Variants in EYS observed in about 807,000 individuals in gnomAD.
EYS encodes EGF-like photoreceptor maintenance factor, also known as protein eyes shut homolog.
EYS carries 250 observed loss-of-function variants against 282.1 expected under a neutral mutation model. The ratio of observed to expected loss-of-function variants is 0.89; its 90% CI spans 0.80 to 0.98. EYS has a LOEUF of 0.98. EYS is among the 50% of genes least tolerant of loss of function. The pLI is 0.00. For synonymous variants in EYS, 1,355 were observed against 1,282.9 expected (o/e 1.06, Z -1.20); for missense variants, 4,016 against 3,709.0 (o/e 1.08, Z -2.15).
At chr6:64,485,518 T>C (rs1359222633) in intron 26 of EYS, among the ~76,000 whole-genome samples, 1 of 151,564 alleles carries the variant, frequency 6.6e-6, no homozygotes, top group Non-Finnish European at 1.5e-5. Flanking sequence ...CAAACCAAGG[T>C]GGTGAAAAAA....
intron 22 of EYS, among the ~76,000 whole-genome samples, chr6:64,679,007 T>C (rs947033827): frequency 1.2e-4 from 19 of 152,214 alleles, no homozygotes; most frequent in African/African-American, 4.6e-4. Flanking sequence ...ACACTTTGAT[T>C]TTTTAAAATG....
chr6:63,925,932 C>T (rs1439151835), intron 35 of EYS, among the ~76,000 whole-genome samples: 1 of 152,226 alleles, frequency 6.6e-6, no homozygotes, highest in East Asian at 1.9e-4. Context: ...ACATGAGCCA[C>T]CACGCCTGGC....
chr6:63,757,699 C>T (rs1769525111), intron 41 of EYS, among the ~76,000 whole-genome samples: 1 of 152,082 alleles, frequency 6.6e-6, no homozygotes, highest in African/African-American at 2.4e-5. Context: ...CTCTTTATTT[C>T]TCAGAACAAC....
chr6:65,123,552 A>G (rs1775626898), intron 12 of EYS, among the ~76,000 whole-genome samples: 1 of 152,180 alleles, frequency 6.6e-6, no homozygotes, highest in Non-Finnish European at 1.5e-5. Context: ...ATAGGAATTC[A>G]CTGCTCAAAC....
intron 41 of EYS, among the ~76,000 whole-genome samples, chr6:63,745,872 A>T (rs186590545): frequency 2.6e-5 from 4 of 152,316 alleles, no homozygotes; most frequent in Non-Finnish European, 1.5e-5. Flanking sequence ...GTTGTAATCC[A>T]GTAGAATTAG....
intron 2 of EYS, among the ~76,000 whole-genome samples, chr6:65,503,272 TTG>T (rs1257743704): frequency 1.1e-4 from 16 of 151,732 alleles, no homozygotes; most frequent in Non-Finnish European, 2.4e-4. Context: ...ATTTTGGGGG[TTG>T]AATTGTCTAT....
intron 29 of EYS, among the ~76,000 whole-genome samples, chr6:64,379,385 T>C (rs748333856): frequency 3.3e-5 from 5 of 152,214 alleles, no homozygotes; most frequent in Admixed American, 6.5e-5. Context: ...ACCAGATTAC[T>C]TCTTGTTTTA....
chr6:63,916,982 T>C (rs1368113837), intron 35 of EYS, among the ~76,000 whole-genome samples: 1 of 152,242 alleles, frequency 6.6e-6, no homozygotes, highest in East Asian at 1.9e-4. Context: ...AGGGACAATT[T>C]AGAAGCTGAC....
At chr6:65,601,715 C>A (rs554311844) in intron 2 of EYS, among the ~76,000 whole-genome samples, 3 of 151,854 alleles carry the variant, frequency 2.0e-5, no homozygotes, top group Non-Finnish European at 2.9e-5. Flanking sequence ...AGTAAAACTG[C>A]AGCTGTTTCA....
intron 15 of EYS, among the ~76,000 whole-genome samples, chr6:64,921,528 A>G (rs1768346439): frequency 6.6e-6 from 1 of 152,188 alleles, no homozygotes; most frequent in Admixed American, 6.5e-5. Flanking sequence ...TGGAAAGTTT[A>G]TTATCTATGA....
rs142813157 is a variant in EYS at position 64,997,955 on chromosome 6, T to C, written c.2138-252A>G. Among the ~76,000 whole-genome samples, 174 of 152,274 alleles carry C rather than the reference T, an allele frequency of 1.1e-3. 1 individual carries two copies. Among genetic ancestry groups the C allele is most frequent in the African/African-American group, 4.1e-3 (170 of 41,576 alleles). ...AACAATTACTATGGACATTTGGTAA[T>C]AGTTTGCAAAGCAACAATGAAAATA... On this transcript the variant is annotated intron_variant, in intron 13 of 42. Transcript: ENST00000503581.
chr6:65,346,746 GA>G (rs1228812758), intron 9 of EYS, among the ~76,000 whole-genome samples: 1 of 151,716 alleles, frequency 6.6e-6, no homozygotes. Context: ...TTTAACAAGA[GA>G]CAACAAGAAC....
chr6:65,334,899 C>T lies in EYS; in HGVS notation c.1766+81G>A, dbSNP rs553526095. ...ATTTTAATCAACAAAAACATTGTTA[C>T]CATGAAACAGTTCGATGACTATCAA... On this transcript the variant is annotated intron_variant, in intron 11 of 42. Transcript: ENST00000503581. 47 of 1,325,526 alleles carry T rather than the reference C, an allele frequency of 3.5e-5. No homozygotes were observed. The East Asian group carries it at 9.9e-4, about 28-fold the overall frequency. 82.1% of individuals were successfully genotyped at this position (1,325,526 alleles called of 1,614,324 possible).
intron 19 of EYS, among the ~76,000 whole-genome samples, chr6:64,843,550 C>A (rs1765629596): frequency 1.3e-5 from 2 of 152,184 alleles, no homozygotes; most frequent in African/African-American, 4.8e-5. Flanking sequence ...GGATTTTGGA[C>A]ATGCATGGTC....
chr6:64,409,199 A>G (rs1370298854), intron 28 of EYS, among the ~76,000 whole-genome samples: 1 of 152,148 alleles, frequency 6.6e-6, no homozygotes, highest in East Asian at 1.9e-4. Flanking sequence ...TCCACTATTA[A>G]TGGGCATCTA....
chr6:64,055,976 T>C (rs1770969900), intron 33 of EYS, among the ~76,000 whole-genome samples: 1 of 152,086 alleles, frequency 6.6e-6, no homozygotes, highest in Non-Finnish European at 1.5e-5. Flanking sequence ...AATACTGTGG[T>C]ATGCTGCCCA....
In EYS at chr6:64,994,134, A is replaced by G. The variant is rs992521956; in HGVS notation, c.2259+3448T>C. Reference sequence around the variant, plus strand: ...TCTCAAATATACATAACAAAGTTACACTAGGGAATAGATCTTACTATACAC... The same window carrying G: ...TCTCAAATATACATAACAAAGTTACGCTAGGGAATAGATCTTACTATACAC... On this transcript the variant is annotated intron_variant, in intron 14 of 42. Coordinates refer to ENST00000503581, the MANE Select transcript of EYS (RefSeq NM_001142800.2). Among the ~76,000 whole-genome samples the G allele has an allele frequency of 5.0e-4, 76 of 152,186 alleles. 1 individual carries two copies. The highest frequency in any genetic ancestry group is 1.7e-3 in the African/African-American group (70 of 41,540).
At chr6:64,938,176 A>G (rs1261338190) in intron 15 of EYS, among the ~76,000 whole-genome samples, 5 of 151,606 alleles carry the variant, frequency 3.3e-5, no homozygotes, top group Non-Finnish European at 7.4e-5. Flanking sequence ...TTGGAATAAT[A>G]AAAGTATTCT....
At chr6:64,926,336 C>G (rs1394906351) in intron 15 of EYS, among the ~76,000 whole-genome samples, 1 of 152,204 alleles carries the variant, frequency 6.6e-6, no homozygotes, top group Non-Finnish European at 1.5e-5. Context: ...CTTGTGCTGG[C>G]TGGCAGGTTT....
Sources: gnomAD v4.1 joint callset for allele counts (sites outside exome capture counted in the v4.1 genomes callset) on GRCh38, gnomAD v4.1.1 for gene constraint, MANE v1.5 for transcripts, NCBI Gene and HGNC (gene_info 2026-07-23, HGNC 2026-07-21) for gene names.